Variants in TDRD7 observed in about 807,000 individuals in gnomAD.
TDRD7 encodes the protein tudor domain containing 7, also known as tudor domain-containing protein 7.
A neutral mutation model predicts 109.8 loss-of-function variants in TDRD7; 47 were observed. The observed-to-expected ratio is 0.43, with a 90% CI of 0.34 to 0.55. The LOEUF is 0.55. Ranked by LOEUF, TDRD7 falls within the 20% of genes least tolerant of loss-of-function variation. TDRD7 has a pLI of 0.03. For missense variants in TDRD7, 1,164 were observed against 1,319.2 expected (o/e 0.88, Z 1.82); for synonymous variants, 424 against 457.3 (o/e 0.93, Z 0.93).
rs1479883566 is a variant in TDRD7 at position 97,464,969 on chromosome 9, G to A, written c.1570G>A (p.Ala524Thr). 1 of 1,614,134 alleles carries A rather than the reference G, an allele frequency of 6.2e-7. No individual in the cohort carries two copies. Among genetic ancestry groups the A allele is most frequent in the Non-Finnish European group, 8.5e-7 (1 of 1,180,022 alleles). Residue 524 changes from alanine to threonine, a missense_variant, in exon 8 of 17, where the codon GCC (alanine) becomes ACC (threonine). By Grantham distance (58) the Ala-to-Thr change is moderately conservative. This residue lies in a region of TDRD7 where 261 missense variants were observed against 336.2 expected (regional missense o/e 0.78). Transcript: ENST00000355295. ...VNVGQLLAVN[A>T]EEDAWLRAQV... ...TGTTGGGCAGTTGCTGGCCGTAAAT[G>A]CCGAGGAGGACGCCTGGTTACGGGC...
rs895756493 is a variant in TDRD7, at chr9:97,449,866, T to C, written c.855+7991T>C. Among the ~76,000 whole-genome samples the C allele has an allele frequency of 3.3e-5, 5 of 152,298 alleles. No individual in the cohort carries two copies. In the East Asian group the frequency reaches 7.7e-4, roughly 23 times the overall value. Reference sequence around the variant, plus strand: ...GAGATTCCAGGGATTTTAGGAATTGTATTTAGGAAACTGGGAAGGAAGACC... The same window carrying C: ...GAGATTCCAGGGATTTTAGGAATTGCATTTAGGAAACTGGGAAGGAAGACC... On this transcript the variant is annotated intron_variant, in intron 6 of 16. Transcript: ENST00000355295.
At chr9:97,480,626 G>A in intron 13 of TDRD7, 1 of 587,544 alleles carries the variant, frequency 1.7e-6, no homozygotes, top group Non-Finnish European at 3.1e-6. Flanking sequence ...GCTCATAAAG[G>A]AGTAAAGACA....
At chr9:97,421,698 T>TGTG (rs1827902471) in intron 1 of TDRD7, among the ~76,000 whole-genome samples, 2 of 142,864 alleles carry the variant, frequency 1.4e-5, no homozygotes, top group African/African-American at 5.3e-5. Flanking sequence ...TGCCCAGCTT[T>TGTG]TGTGTGTGTG....
chr9:97,465,049 C>T, intron 8 of TDRD7, 21 bp downstream of exon 8: 1 of 1,609,260 alleles, frequency 6.2e-7, no homozygotes, highest in Non-Finnish European at 8.5e-7. Context: ...TTTACTTTGT[C>T]ATAGCATTAT....
chr9:97,465,119 A>G lies in TDRD7; in HGVS notation c.1629+91A>G, dbSNP rs113842818. 6.5e-5 allele frequency: 94 copies of G among 1,455,108 alleles called. 3 individuals are homozygous for G. Among genetic ancestry groups the G allele is most frequent in the African/African-American group, 6.1e-4 (43 of 70,696 alleles). The allele number at this position is 1,455,108 out of a possible 1,614,324, so 90.1% of individuals were successfully genotyped here. A position where few individuals can be genotyped will look rare whatever the true frequency, so the allele number is the denominator to read the frequency against. On this transcript the variant is annotated intron_variant, in intron 8 of 16. Coordinates refer to ENST00000355295, the MANE Select transcript of TDRD7 (RefSeq NM_014290.3). ...TATTTTTTACATTTTTGAAATTTAA[A>G]TGTTGTATCCTATAATTAAATGTAG...
At chr9:97,461,512 A>G (rs1828724143) in intron 7 of TDRD7, among the ~76,000 whole-genome samples, 1 of 152,026 alleles carries the variant, frequency 6.6e-6, no homozygotes, top group African/African-American at 2.4e-5. Flanking sequence ...GTCTTTCAGT[A>G]TCGTTGCCTG....
chr9:97,465,777 C>G (rs1407200291), intron 8 of TDRD7, among the ~76,000 whole-genome samples: 1 of 151,906 alleles, frequency 6.6e-6, no homozygotes, highest in African/African-American at 2.4e-5. Flanking sequence ...GGAATTTATC[C>G]TTTGAATAAT....
chr9:97,450,535 A>G (rs1828472878), intron 6 of TDRD7, among the ~76,000 whole-genome samples: 1 of 152,180 alleles, frequency 6.6e-6, no homozygotes. Flanking sequence ...AGACCATAAG[A>G]TGGCTGTTCT....
At chr9:97,494,375 A>G (rs1368750938) in intron 16 of TDRD7, among the ~76,000 whole-genome samples, 3 of 152,306 alleles carry the variant, frequency 2.0e-5, no homozygotes, top group African/African-American at 7.2e-5. Flanking sequence ...ATGGCCATGC[A>G]CAAAATTTTC....
At chr9:97,461,360 G>C (rs942372412) in intron 7 of TDRD7, among the ~76,000 whole-genome samples, 8 of 152,212 alleles carry the variant, frequency 5.3e-5, no homozygotes, top group African/African-American at 1.9e-4. Flanking sequence ...CGCAGAAAAG[G>C]CAAGTGCCCT....
Position 97,440,495 on chromosome 9 carries a change from T to C in TDRD7, c.638-1163T>C, listed in dbSNP as rs112893964. Among the ~76,000 whole-genome samples the C allele has an allele frequency of 7.2e-5, 11 of 152,332 alleles. No individual in the cohort carries two copies. In the East Asian group the frequency reaches 1.9e-3, roughly 27 times the overall value. Reference sequence around the variant, plus strand: ...CTTCCCAGTCCTTTTATATCATTATTTGGGAAGAACTTAAATAAATTAGCT... The same window carrying C: ...CTTCCCAGTCCTTTTATATCATTATCTGGGAAGAACTTAAATAAATTAGCT... On this transcript the variant is annotated intron_variant, in intron 5 of 16. Coordinates refer to ENST00000355295, the MANE Select transcript of TDRD7 (RefSeq NM_014290.3).
At chr9:97,418,068 T>G (rs1342422080) in intron 1 of TDRD7, among the ~76,000 whole-genome samples, 2 of 152,112 alleles carry the variant, frequency 1.3e-5, no homozygotes, top group African/African-American at 4.8e-5. Context: ...GAGGTTGCAG[T>G]GAGCGGAGAT....
chr9:97,417,963 A>G (rs946878285), intron 1 of TDRD7, among the ~76,000 whole-genome samples: 1 of 152,180 alleles, frequency 6.6e-6, no homozygotes, highest in Non-Finnish European at 1.5e-5. Context: ...CGTCCCTACT[A>G]AAAATACAAA....
intron 6 of TDRD7, among the ~76,000 whole-genome samples, chr9:97,444,622 A>G (rs769691454): frequency 6.6e-6 from 1 of 152,226 alleles, no homozygotes; most frequent in Non-Finnish European, 1.5e-5. Flanking sequence ...GAACTTGGTA[A>G]TGGGTATCTC....
At chr9:97,458,486 G>GCAC (rs1828657454) in intron 6 of TDRD7, among the ~76,000 whole-genome samples, 2 of 152,132 alleles carry the variant, frequency 1.3e-5, no homozygotes, top group African/African-American at 4.8e-5. Context: ...AGAAAGATGA[G>GCAC]GAATGCTCCA....
At chr9:97,420,291 G>A (rs1827877139) in intron 1 of TDRD7, among the ~76,000 whole-genome samples, 2 of 150,234 alleles carry the variant, frequency 1.3e-5, no homozygotes. Flanking sequence ...GTAGTTGCCA[G>A]GAGCCAGGGC....
At chr9:97,492,088 C>T (rs1481534353) in intron 16 of TDRD7, among the ~76,000 whole-genome samples, 4 of 152,218 alleles carry the variant, frequency 2.6e-5, no homozygotes, top group Non-Finnish European at 5.9e-5. Flanking sequence ...CAGTATCTTC[C>T]TGTCTGTCTC....
intron 6 of TDRD7, among the ~76,000 whole-genome samples, chr9:97,446,335 G>A (rs942272992): frequency 1.3e-5 from 2 of 152,162 alleles, no homozygotes; most frequent in African/African-American, 4.8e-5. Context: ...TCTGTCAGTA[G>A]CCCCAAGACC....
intron 8 of TDRD7, among the ~76,000 whole-genome samples, chr9:97,467,400 G>C (rs1227709350): frequency 6.6e-6 from 1 of 152,166 alleles, no homozygotes; most frequent in Non-Finnish European, 1.5e-5. Flanking sequence ...AGATAGAACT[G>C]AGTCTCAGCT....
Sources: allele counts gnomAD v4.1 joint callset (sites outside exome capture counted in the v4.1 genomes callset), GRCh38; gene constraint gnomAD v4.1.1; regional missense constraint gnomAD v4.1.1; transcripts MANE v1.5; gene names NCBI Gene and HGNC (gene_info 2026-07-23, HGNC 2026-07-21).